The following PSD3 variants were observed in gnomAD, a reference collection of about 807,000 sequenced individuals.
PSD3 encodes the protein pleckstrin and Sec7 domain containing 3.
A neutral mutation model predicts 105.5 loss-of-function variants in PSD3; 49 were observed. That is an observed-to-expected ratio of 0.46 (90% CI 0.37 to 0.59). The LOEUF (loss-of-function observed/expected upper bound fraction) is 0.59. Among genes scored for constraint, PSD3 ranks in the 20% least tolerant of loss-of-function variants. The pLI, the probability that PSD3 is intolerant of heterozygous loss-of-function variation, is 0.00. For missense variants in PSD3, 1,561 were observed against 1,263.8 expected, an observed-to-expected ratio of 1.24 and a Z score of -3.57; for synonymous variants, 557 against 457.8, an observed-to-expected ratio of 1.22 and a Z score of -2.77.
intron 10 of PSD3, among the ~76,000 whole-genome samples, chr8:18,636,147 G>C (rs1045397621): frequency 6.6e-6 from 1 of 152,166 alleles, no homozygotes; most frequent in Non-Finnish European, 1.5e-5. Flanking sequence ...TGAGGCGAAA[G>C]ACAGTGATAT....
Position 18,572,609 on chromosome 8 carries a change from T to C in PSD3, c.2703A>G (p.Ala901=). Residue 901 remains alanine, a synonymous_variant, in exon 14 of 16, where the codon GCA becomes GCG. Coordinates refer to ENST00000327040, the MANE Select transcript of PSD3 (RefSeq NM_015310.4). ...AGCCGATTGCTGCTGGAAATGGTGG[T>C]GCAGAAAATACAGCTGCCACACAAT... The part of the protein sequence containing the change: ...KINCVAAVFS[A]PPFPAAIGSQ... 3 of 1,614,134 alleles carry C rather than the reference T, an allele frequency of 1.9e-6. No individual in the cohort carries two copies. The highest frequency in any genetic ancestry group is 4.5e-5 in the East Asian group (2 of 44,888).
chr8:18,784,363 C>T (rs1485258930), intron 8 of PSD3, among the ~76,000 whole-genome samples: 3 of 152,194 alleles, frequency 2.0e-5, no homozygotes, highest in Non-Finnish European at 4.4e-5. Flanking sequence ...TCATACACCA[C>T]TCAACACAAT....
intron 4 of PSD3, among the ~76,000 whole-genome samples, chr8:18,807,146 A>G (rs1014092767): frequency 1.1e-4 from 16 of 152,228 alleles, no homozygotes; most frequent in African/African-American, 3.9e-4. Flanking sequence ...TGCATTTCTA[A>G]GCAGAACTGC....
intron 1 of PSD3, among the ~76,000 whole-genome samples, chr8:18,993,195 AG>A: frequency 6.6e-6 from 1 of 152,318 alleles, no homozygotes; most frequent in East Asian, 1.9e-4. Flanking sequence ...TGCCAGAGTC[AG>A]TTTTCTCTTT....
chr8:18,723,208 G>A (rs888151457), intron 9 of PSD3, among the ~76,000 whole-genome samples: 1 of 152,284 alleles, frequency 6.6e-6, no homozygotes, highest in African/African-American at 2.4e-5. Flanking sequence ...ACATGTGGCT[G>A]CAGATGACAC....
intron 4 of PSD3, among the ~76,000 whole-genome samples, chr8:18,835,906 G>C (rs920796617): frequency 1.3e-5 from 2 of 150,674 alleles, no homozygotes; most frequent in African/African-American, 2.4e-5. Flanking sequence ...GTAGGGACTT[G>C]GAGGTCATGG....
intron 2 of PSD3, among the ~76,000 whole-genome samples, chr8:18,932,236 T>G (rs1821797161): frequency 6.6e-6 from 1 of 152,200 alleles, no homozygotes. Flanking sequence ...AGGCTCAGTG[T>G]TGTCCACAGG....
rs147143135 is a variant in PSD3, at chr8:18,907,123, T to G, written c.130+28911A>C. ...AGTTTACAAAGTAAAATAGTTACAG[T>G]AATCTAAGGTTGTTACTGAAAGATA... On this transcript the variant is annotated intron_variant, in intron 2 of 15. Coordinates refer to ENST00000327040, the MANE Select transcript of PSD3 (RefSeq NM_015310.4). Among the ~76,000 whole-genome samples, 613 of 152,336 alleles carry G rather than the reference T, an allele frequency of 4.0e-3. 8 individuals are homozygous for G. The highest frequency in any genetic ancestry group is 0.014 in the African/African-American group (577 of 41,594).
intron 1 of PSD3, among the ~76,000 whole-genome samples, chr8:19,008,122 G>A (rs1355179210): frequency 1.3e-5 from 2 of 152,246 alleles, no homozygotes; most frequent in Non-Finnish European, 2.9e-5. Flanking sequence ...GGGATTACAG[G>A]CGTGAGCCAT....
At chr8:18,609,524 A>G (rs766189211) in intron 11 of PSD3, among the ~76,000 whole-genome samples, 14 of 152,246 alleles carry the variant, frequency 9.2e-5, no homozygotes, top group Non-Finnish European at 1.0e-4. Context: ...AGGCATTTTT[A>G]AGACTGTTCT....
intron 1 of PSD3, among the ~76,000 whole-genome samples, chr8:19,026,631 G>A (rs1827558473): frequency 6.6e-6 from 1 of 150,480 alleles, no homozygotes; most frequent in Non-Finnish European, 1.5e-5. Context: ...CTGGGAGGCT[G>A]AGGTGGGAAG....
At chr8:18,944,933 T>C (rs1822769518) in intron 1 of PSD3, among the ~76,000 whole-genome samples, 1 of 152,208 alleles carries the variant, frequency 6.6e-6, no homozygotes, top group African/African-American at 2.4e-5. Context: ...TGCCCTAGAA[T>C]GAGCCATTTT....
intron 1 of PSD3, among the ~76,000 whole-genome samples, chr8:19,073,902 C>T (rs1008089094): frequency 1.1e-4 from 17 of 151,952 alleles, no homozygotes; most frequent in African/African-American, 3.6e-4. Context: ...GCCATTCTGC[C>T]GCCTCAGCTT....
intron 9 of PSD3, among the ~76,000 whole-genome samples, chr8:18,673,716 G>A (rs1799916447): frequency 6.6e-6 from 1 of 152,186 alleles, no homozygotes; most frequent in Non-Finnish European, 1.5e-5. Context: ...ACGCCCTGCT[G>A]TGAAACGTTT....
chr8:18,822,054 GA>G (rs561418990), intron 4 of PSD3, among the ~76,000 whole-genome samples: 1 of 151,794 alleles, frequency 6.6e-6, no homozygotes, highest in Non-Finnish European at 1.5e-5. Context: ...CTTCAGAAAA[GA>G]AAAAAAATTT....
chr8:18,585,189 G>C (rs1031029364), intron 12 of PSD3, among the ~76,000 whole-genome samples: 1 of 152,134 alleles, frequency 6.6e-6, no homozygotes, highest in Admixed American at 6.5e-5. Context: ...TTTCAATAAA[G>C]GTACCAGGGA....
At chr8:19,064,488 G>A (rs1829010462) in intron 1 of PSD3, among the ~76,000 whole-genome samples, 1 of 151,990 alleles carries the variant, frequency 6.6e-6, no homozygotes, top group Non-Finnish European at 1.5e-5. Flanking sequence ...TGGGGTAGTC[G>A]TTGCCTCAAG....
chr8:18,591,067 A>G (rs1299725974), intron 12 of PSD3, among the ~76,000 whole-genome samples: 1 of 152,216 alleles, frequency 6.6e-6, no homozygotes, highest in African/African-American at 2.4e-5. Flanking sequence ...TCAATGATTT[A>G]TGGACCAAAA....
intron 4 of PSD3, among the ~76,000 whole-genome samples, chr8:18,808,326 T>G (rs11203999): frequency 0.17 from 25,438 of 152,240 alleles, 2,312 homozygotes; most frequent in Middle Eastern, 0.26. Context: ...TGGCATTTAT[T>G]TAATCATTCT....
Sources: gnomAD v4.1 joint callset for allele counts (sites outside exome capture counted in the v4.1 genomes callset) on GRCh38, gnomAD v4.1.1 for gene constraint, MANE v1.5 for transcripts, NCBI Gene and HGNC (gene_info 2026-07-23, HGNC 2026-07-21) for gene names.